The following CUBN variants were observed in gnomAD, a reference collection of about 807,000 sequenced individuals.
The protein encoded by CUBN is 460 kDa receptor.
A neutral mutation model predicts 405.3 loss-of-function variants in CUBN; 282 were observed. The ratio of observed to expected loss-of-function variants is 0.70; its 90% CI spans 0.63 to 0.77. The LOEUF is 0.77. Among genes scored for constraint, CUBN ranks in the 30% least tolerant of loss-of-function variants. The probability of loss-of-function intolerance (pLI) is 0.00; values close to 1 mark genes in which losing one functional copy is unlikely to be tolerated. For missense variants in CUBN, 4,514 were observed against 4,475.2 expected (o/e 1.01, Z -0.25); for synonymous variants, 1,684 against 1,617.0 (o/e 1.04, Z -0.99).
intron 6 of CUBN, among the ~76,000 whole-genome samples, chr10:17,120,938 G>A (rs140445358): frequency 1.3e-5 from 2 of 152,260 alleles, no homozygotes; most frequent in East Asian, 3.9e-4. Context: ...TAGGAGCCTG[G>A]ACATTTGCCA....
At chr10:17,051,669 C>A (rs1412415812) in intron 22 of CUBN, among the ~76,000 whole-genome samples, 1 of 151,314 alleles carries the variant, frequency 6.6e-6, no homozygotes, top group Non-Finnish European at 1.5e-5. Context: ...AACTTCATGA[C>A]AAGTTTAACA....
At position 17,045,881 on chromosome 10, in the gene CUBN, A is replaced by G. The variant is rs996821087; in HGVS notation, c.3490+53T>C. 12 of 1,582,144 alleles carry G rather than the reference A, an allele frequency of 7.6e-6. No homozygotes were observed. In the African/African-American group the frequency reaches 1.5e-4, roughly 20 times the overall value. ...GACAGAGCATGACAATCCCAGAATC[A>G]AGAAACCAATCAGATTGGCTTCTCC... On this transcript the variant is annotated intron_variant, in intron 24 of 66. Coordinates refer to ENST00000377833, the MANE Select transcript of CUBN (RefSeq NM_001081.4).
Position 16,933,284 on chromosome 10 carries a change from C to A in CUBN, c.5927G>T (p.Gly1976Val). The A allele has an allele frequency of 6.2e-7, 1 of 1,613,202 alleles. No homozygotes were observed. Among genetic ancestry groups the A allele is most frequent in the Non-Finnish European group, 8.5e-7 (1 of 1,179,928 alleles). Residue 1976 changes from glycine (G) to valine (V), a missense_variant and splice_region_variant, in exon 40 of 67, where the codon GGT becomes GTT. Physicochemically the swap from Gly to Val is moderately radical, Grantham distance 109. Transcript: ENST00000377833. Reference protein sequence around the residue: ...PDGVLPTIAPGACGGFLRTGD... With the variant: ...PDGVLPTIAPVACGGFLRTGD... ...CGTCCTCAGGAAGCCACCACAAGCA[C>A]CTGTAGAATAGAAAGCAACATCTTT...
rs145664443 is a variant in CUBN at position 17,055,306 on chromosome 10, A to G, written c.3140-7703T>C. ...CATCTATGGAAAATCCAAAGCTAAC[A>G]TCATACTTAAGTGGTAAAGGACTAA... On this transcript the variant is annotated intron_variant, in intron 22 of 66. Coordinates refer to ENST00000377833, the MANE Select transcript of CUBN (RefSeq NM_001081.4). Among the ~76,000 whole-genome samples, 712 of 152,206 alleles carry G rather than the reference A, an allele frequency of 4.7e-3. 7 individuals are homozygous for G. Among genetic ancestry groups the G allele is most frequent in the African/African-American group, 0.016 (668 of 41,558 alleles).
intron 27 of CUBN, among the ~76,000 whole-genome samples, chr10:17,021,006 G>A (rs1834484080): frequency 6.6e-6 from 1 of 152,148 alleles, no homozygotes. Context: ...TCTTTCAGTG[G>A]AGCTTTGTCA....
chr10:16,954,591 T>A (rs1236541200), intron 31 of CUBN, 43 bp from the exon 32 acceptor site: 1 of 1,605,974 alleles, frequency 6.2e-7, no homozygotes, highest in Non-Finnish European at 8.5e-7. Flanking sequence ...CAGATTCACA[T>A]CTAGAAGGCC....
At chr10:17,023,452 C>T (rs979565029) in intron 27 of CUBN, 12 of 275,982 alleles carry the variant, frequency 4.3e-5, no homozygotes, top group Non-Finnish European at 9.4e-5. Flanking sequence ...TTTATATTCA[C>T]ACAGATGGGT....
intron 22 of CUBN, among the ~76,000 whole-genome samples, chr10:17,062,173 A>G (rs1428905613): frequency 6.6e-6 from 1 of 152,152 alleles, no homozygotes; most frequent in Non-Finnish European, 1.5e-5. Context: ...CCATACTTTT[A>G]GCAATCACAA....
At chr10:17,055,997 T>G (rs1835386647) in intron 22 of CUBN, among the ~76,000 whole-genome samples, 1 of 152,158 alleles carries the variant, frequency 6.6e-6, no homozygotes, top group South Asian at 2.1e-4. Flanking sequence ...GGTTTTATAC[T>G]TCCAGATTTT....
At position 16,913,958 on chromosome 10, in the gene CUBN, T is replaced by G. The variant is rs1246893897; in HGVS notation, c.7386A>C (p.Thr2462=). 6.2e-7 allele frequency: 1 copy of G among 1,613,908 alleles called. No individual in the cohort carries two copies. The part of the protein sequence containing the change: ...CGGDLQGSIG[T]FTSPNYPNPN... ...GGTTCGGGTAGTTGGGAGAAGTAAA[T>G]GTTCCAATAGAGCCCTGAAGATCCC... The change falls in exon 48 of 67, where the codon ACA becomes ACC. Residue 2462 remains threonine, a synonymous_variant. Transcript: ENST00000377833.
chr10:16,900,257 T>G (rs1168790423), intron 53 of CUBN, among the ~76,000 whole-genome samples: 1 of 152,244 alleles, frequency 6.6e-6, no homozygotes, highest in African/African-American at 2.4e-5. Context: ...CACTTGGGAT[T>G]CCAACTCATG....
chr10:17,078,832 A>C (rs1835909107), intron 17 of CUBN, among the ~76,000 whole-genome samples: 1 of 152,164 alleles, frequency 6.6e-6, no homozygotes, highest in South Asian at 2.1e-4. Context: ...AGTACCAGCC[A>C]TACCCTCTAT....
rs201355109 is a variant in CUBN, at chr10:16,916,818, CT to C, written c.7001-789del. ...TTCTTTTTTTCTTTTCTTTTTCTTT[CT>C]TTTTTTTTTTTTTGAGACAGAGTCT... On this transcript the variant is annotated intron_variant, in intron 45 of 66. Transcript: ENST00000377833. Among the ~76,000 whole-genome samples the C allele has an allele frequency of 7.6e-3, 1,068 of 140,724 alleles. 9 individuals are homozygous for C. The highest frequency in any genetic ancestry group is 0.019 in the African/African-American group (750 of 38,602). The allele number at this position is 140,724 out of a possible 152,430, so 92.3% of individuals were successfully genotyped here.
At chr10:17,097,625 T>C (rs974124325) in intron 14 of CUBN, among the ~76,000 whole-genome samples, 26 of 152,178 alleles carry the variant, frequency 1.7e-4, no homozygotes, top group Admixed American at 1.2e-3. Context: ...TAAAAATACA[T>C]ATTAGCAAAT....
chr10:16,977,135 T>C (rs1833122897), intron 31 of CUBN, among the ~76,000 whole-genome samples: 1 of 152,148 alleles, frequency 6.6e-6, no homozygotes, highest in Admixed American at 6.5e-5. Flanking sequence ...CTATCTTTGA[T>C]AGTGTGTTGG....
rs961484287 is a variant in CUBN, at chr10:16,829,146, A to G, written c.10529-106T>C. ...TTTTCTTAAGGTGCTGAGACTCTGC[A>G]AGAATAATGGAGGCAGAAATCCCTT... On this transcript the variant is annotated intron_variant, in intron 65 of 66. Transcript: ENST00000377833. The G allele has an allele frequency of 6.1e-5, 49 of 806,594 alleles. 1 individual carries two copies. Among genetic ancestry groups the G allele is most frequent in the Middle Eastern group, 3.3e-4 (1 of 3,006 alleles). 50.0% of individuals were successfully genotyped at this position (806,594 alleles called of 1,614,324 possible).
intron 62 of CUBN, 133 bp from the exon 63 acceptor site, chr10:16,836,515 C>A: frequency 1.1e-6 from 1 of 889,506 alleles, no homozygotes; most frequent in Non-Finnish European, 1.8e-6. Flanking sequence ...GTTGGAAGTG[C>A]TCTGCAAGAA....
In CUBN at chr10:17,116,621, G is replaced by A. The variant is rs116912142; in HGVS notation, c.594-1024C>T. Among the ~76,000 whole-genome samples, 367 of 152,372 alleles carry A rather than the reference G, an allele frequency of 2.4e-3. 17 individuals are homozygous for A. The East Asian group carries it at 0.062, about 26-fold the overall frequency. On this transcript the variant is annotated intron_variant, in intron 6 of 66. Coordinates refer to ENST00000377833, the MANE Select transcript of CUBN (RefSeq NM_001081.4). ...AAAAGAGCTATTTTAACAAGACACAGTGAGGTACAAGGAGCTTAGTAATGT... is the reference window on the plus strand; with the variant it reads ...AAAAGAGCTATTTTAACAAGACACAATGAGGTACAAGGAGCTTAGTAATGT...
chr10:17,082,142 TTA>T (rs1193316579), intron 17 of CUBN, among the ~76,000 whole-genome samples: 2 of 152,194 alleles, frequency 1.3e-5, no homozygotes, highest in African/African-American at 4.8e-5. Flanking sequence ...TGCATTTGCA[TTA>T]TTTTTTTTAA....
Sources: gnomAD v4.1 joint callset for allele counts (sites outside exome capture counted in the v4.1 genomes callset) on GRCh38, gnomAD v4.1.1 for gene constraint, MANE v1.5 for transcripts, NCBI Gene and HGNC (gene_info 2026-07-23, HGNC 2026-07-21) for gene names.